Variants in GRHL2 observed in about 807,000 individuals in gnomAD.
The protein encoded by GRHL2 is grainyhead like transcription factor 2.
In GRHL2, 21 loss-of-function variants were observed where a neutral mutation model predicts 83.8. The observed-to-expected ratio is 0.25, with a 90% CI of 0.18 to 0.36. The LOEUF (loss-of-function observed/expected upper bound fraction) is 0.36, where lower values mean the gene tolerates loss of function less well. Among genes scored for constraint, GRHL2 ranks in the 10% least tolerant of loss-of-function variants. GRHL2 has a pLI of 1.00. For synonymous variants in GRHL2, 280 were observed against 278.9 expected (o/e 1.00, Z -0.04); for missense variants, 623 against 781.8 (o/e 0.80, Z 2.42).
At chr8:101,523,432 G>A (rs189125109) in intron 1 of GRHL2, among the ~76,000 whole-genome samples, 134 of 151,710 alleles carry the variant, frequency 8.8e-4, no homozygotes, top group African/African-American at 3.0e-3. Flanking sequence ...ACTACCACCC[G>A]TCCCAGCTTG....
chr8:101,638,281 G>T (rs11995403), intron 12 of GRHL2, among the ~76,000 whole-genome samples: 17,506 of 152,110 alleles, frequency 0.12, 2,150 homozygotes, highest in African/African-American at 0.31. Flanking sequence ...GCAGAGGTTG[G>T]CAAACTATAG....
chr8:101,574,317 A>C (rs1238242839), intron 6 of GRHL2, among the ~76,000 whole-genome samples: 2 of 152,162 alleles, frequency 1.3e-5, no homozygotes, highest in Admixed American at 1.3e-4. Flanking sequence ...ACCAGGAGTC[A>C]CTTGGGGGAG....
At chr8:101,505,588 A>AC (rs1011053541) in intron 1 of GRHL2, among the ~76,000 whole-genome samples, 1 of 151,490 alleles carries the variant, frequency 6.6e-6, no homozygotes, top group Non-Finnish European at 1.5e-5. Context: ...AAAAAAAAAA[A>AC]AAAAAAAAAC....
At chr8:101,657,220 T>A (rs966991150) in intron 14 of GRHL2, among the ~76,000 whole-genome samples, 6 of 152,236 alleles carry the variant, frequency 3.9e-5, no homozygotes, top group African/African-American at 4.8e-5. Context: ...AGCATATAAC[T>A]CCACATAAAA....
intron 1 of GRHL2, among the ~76,000 whole-genome samples, chr8:101,537,418 G>A (rs1811065912): frequency 6.6e-6 from 1 of 152,148 alleles, no homozygotes; most frequent in African/African-American, 2.4e-5. Context: ...TTAGCATAGT[G>A]TCTCACAAGT....
chr8:101,603,872 C>T (rs771327496), intron 8 of GRHL2, among the ~76,000 whole-genome samples: 6 of 152,066 alleles, frequency 3.9e-5, no homozygotes, highest in Admixed American at 1.3e-4. Flanking sequence ...AAATTGATGG[C>T]GGGCAGGGCC....
In GRHL2 at chr8:101,513,500, C is replaced by CTTTTTTTTTTTTTTTT. The variant is rs112134650; in HGVS notation, c.20+20721_20+20722insTTTTTTTTTTTTTTTT. ...TATGTGGGTGCAGGCTATCGTTGTG[C>CTTTTTTTTTTTTTTTT]TTTTTTTTTTGGAGATGGAGTTTTG... On this transcript the variant is annotated intron_variant, in intron 1 of 15. Transcript: ENST00000646743. 1.9e-4 allele frequency among the ~76,000 whole-genome samples: 19 copies of CTTTTTTTTTTTTTTTT among 100,170 alleles called. 2 individuals are homozygous for CTTTTTTTTTTTTTTTT. Among genetic ancestry groups the CTTTTTTTTTTTTTTTT allele is most frequent in the South Asian group, 3.5e-4 (1 of 2,874 alleles). 65.7% of individuals were successfully genotyped at this position (100,170 alleles called of 152,430 possible).
At chr8:101,660,008 C>T (rs1412486932) in intron 14 of GRHL2, among the ~76,000 whole-genome samples, 1 of 151,830 alleles carries the variant, frequency 6.6e-6, no homozygotes, top group Non-Finnish European at 1.5e-5. Context: ...TTTTTTTTTA[C>T]CTAACCATCT....
chr8:101,660,760 T>G (rs1001352142), intron 14 of GRHL2, among the ~76,000 whole-genome samples: 1 of 152,196 alleles, frequency 6.6e-6, no homozygotes, highest in Non-Finnish European at 1.5e-5. Context: ...AACTTCCAAC[T>G]ATTTTCTCCA....
chr8:101,587,419 T>C (rs966200357), intron 7 of GRHL2, among the ~76,000 whole-genome samples: 1 of 152,164 alleles, frequency 6.6e-6, no homozygotes, highest in Non-Finnish European at 1.5e-5. Context: ...CACACACACA[T>C]ACTCACACGC....
chr8:101,562,763 G>T (rs747826906), intron 4 of GRHL2, among the ~76,000 whole-genome samples: 20 of 152,184 alleles, frequency 1.3e-4, no homozygotes, highest in Non-Finnish European at 2.8e-4. Flanking sequence ...GCTCAGATCA[G>T]CTTCTTCACT....
At position 101,649,948 on chromosome 8, in the gene GRHL2, C is replaced by T. The variant is rs75736025; in HGVS notation, c.1698+449C>T. Among the ~76,000 whole-genome samples, 8 of 152,258 alleles carry T rather than the reference C, an allele frequency of 5.3e-5. No homozygotes were observed. In the East Asian group the frequency reaches 1.5e-3, roughly 29 times the overall value. ...GATTTGCAGTAAGACTTTTCCCTTC[C>T]TACCCATGGTCTTGTCTAGTATTAC... On this transcript the variant is annotated intron_variant, in intron 14 of 15. Transcript: ENST00000646743.
the GRHL2 span, among the ~76,000 whole-genome samples, chr8:101,677,120 A>G: frequency 6.6e-6 from 1 of 151,956 alleles, no homozygotes; most frequent in Non-Finnish European, 1.5e-5. Flanking sequence ...CTAAATGAGG[A>G]GTTAATGGGT....
At chr8:101,576,182 T>C (rs1038101730) in intron 6 of GRHL2, among the ~76,000 whole-genome samples, 1 of 152,206 alleles carries the variant, frequency 6.6e-6, no homozygotes, top group Admixed American at 6.5e-5. Flanking sequence ...ACTACTAATG[T>C]GTAAACTGCT....
chr8:101,529,015 GA>G, intron 1 of GRHL2: 1 of 380,782 alleles, frequency 2.6e-6, no homozygotes, highest in Non-Finnish European at 5.2e-6. Context: ...TGGTATTTCA[GA>G]TGTAATTTTT....
At chr8:101,559,093 G>T (rs1811549801) in intron 4 of GRHL2, among the ~76,000 whole-genome samples, 1 of 152,062 alleles carries the variant, frequency 6.6e-6, no homozygotes, top group Admixed American at 6.6e-5. Flanking sequence ...ATATTTATGA[G>T]AAATTAAGAG....
At chr8:101,647,935 C>T (rs1813545940) in intron 13 of GRHL2, among the ~76,000 whole-genome samples, 1 of 152,028 alleles carries the variant, frequency 6.6e-6, no homozygotes, top group South Asian at 2.1e-4. Flanking sequence ...TTTCTAGTTT[C>T]AACTTTGTTC....
chr8:101,600,531 C>T (rs1044103670), intron 8 of GRHL2, among the ~76,000 whole-genome samples: 1 of 152,198 alleles, frequency 6.6e-6, no homozygotes, highest in African/African-American at 2.4e-5. Context: ...ATTCCTTTCT[C>T]ATCGTTCCCT....
rs71276995 is a variant in GRHL2, at chr8:101,669,254, CTTTTTT to C, written c.*2558_*2563del. 1 of 126,626 alleles carries C rather than the reference CTTTTTT, an allele frequency of 7.9e-6. No individual in the cohort carries two copies. The highest frequency in any genetic ancestry group is 2.8e-5 in the African/African-American group (1 of 35,560). The allele number at this position is 126,626 out of a possible 1,614,324, so 7.8% of individuals were successfully genotyped here. The stretch of plus-strand genomic sequence containing the variant: ...GGACATGTGAAATGAGCATTTTTTT[CTTTTTT>C]TTTTTTAACAAAGTCTGAACTGAAC... On this transcript the variant is annotated 3_prime_UTR_variant, in exon 16 of 16. Transcript: ENST00000646743.
Sources: allele counts gnomAD v4.1 joint callset (sites outside exome capture counted in the v4.1 genomes callset), GRCh38; gene constraint gnomAD v4.1.1; transcripts MANE v1.5; gene names NCBI Gene and HGNC (gene_info 2026-07-23, HGNC 2026-07-21).